Variants in DPP6 observed in about 807,000 individuals in gnomAD.
The protein encoded by DPP6 is A-type potassium channel modulatory protein DPP6.
DPP6 carries 69 observed loss-of-function variants against 122.6 expected under a neutral mutation model. The ratio of observed to expected loss-of-function variants is 0.56; its 90% CI spans 0.46 to 0.69. The LOEUF (loss-of-function observed/expected upper bound fraction) is 0.69. Among genes scored for constraint, DPP6 ranks in the 30% least tolerant of loss-of-function variants. DPP6 has a pLI of 0.00. For synonymous variants in DPP6, 418 were observed against 433.1 expected (o/e 0.97, Z 0.43); for missense variants, 928 against 1,116.9 (o/e 0.83, Z 2.41).
intron 16 of DPP6, among the ~76,000 whole-genome samples, chr7:154,812,754 T>C (rs1799153077): frequency 6.6e-6 from 1 of 152,186 alleles, no homozygotes; most frequent in Non-Finnish European, 1.5e-5. Context: ...TTGTAGCTCA[T>C]CAGTTGTTTG....
intron 17 of DPP6, among the ~76,000 whole-genome samples, chr7:154,861,058 T>C (rs1216050572): frequency 1.3e-5 from 2 of 152,210 alleles, no homozygotes; most frequent in Non-Finnish European, 2.9e-5. Flanking sequence ...GGTCTTAACA[T>C]GGCTGCATCA....
rs1370258765 is a variant in DPP6 at position 154,180,430 on chromosome 7, AAT to A, written c.243+127375_243+127376del. Among the ~76,000 whole-genome samples the A allele has an allele frequency of 4.5e-4, 65 of 143,562 alleles. No individual in the cohort carries two copies. In the East Asian group the frequency reaches 0.012, roughly 27 times the overall value. The allele number at this position is 143,562 out of a possible 152,430, so 94.2% of individuals were successfully genotyped here. ...ATATATATATCTATATATAATATAT[AAT>A]ATATATACACATTTATATATTATAT... On this transcript the variant is annotated intron_variant, in intron 1 of 25. Coordinates refer to ENST00000377770, the MANE Select transcript of DPP6 (RefSeq NM_130797.4).
At chr7:153,753,911 G>A in the DPP6 span, among the ~76,000 whole-genome samples, 4 of 152,132 alleles carry the variant, frequency 2.6e-5, no homozygotes, top group African/African-American at 7.2e-5. Context: ...GAGGAACATC[G>A]TATTCTACCA....
rs1032930739 is a variant in DPP6, at chr7:154,596,572, A to G, written c.627+29656A>G. Among the ~76,000 whole-genome samples the G allele has an allele frequency of 2.0e-5, 3 of 152,364 alleles. No homozygotes were observed. In the East Asian group the frequency reaches 5.8e-4, roughly 29 times the overall value. ...TTTGTGGCAGAAACTTCCAAAAAAA[A>G]AAGTTGACATGGAGCAGGTCCTCAA... is the stretch of plus-strand genomic sequence containing the variant. On this transcript the variant is annotated intron_variant, in intron 5 of 25. Coordinates refer to ENST00000377770, the MANE Select transcript of DPP6 (RefSeq NM_130797.4).
At chr7:153,801,720 G>A in the DPP6 span, among the ~76,000 whole-genome samples, 1 of 152,124 alleles carries the variant, frequency 6.6e-6, no homozygotes, top group South Asian at 2.1e-4. Context: ...AACTTTTTTG[G>A]AGGACGTGGA....
chr7:154,524,585 T>G (rs2130018010), intron 3 of DPP6, among the ~76,000 whole-genome samples: 1 of 152,290 alleles, frequency 6.6e-6, no homozygotes, highest in East Asian at 1.9e-4. Flanking sequence ...TCTTCATGCC[T>G]TTGATCCTTC....
chr7:154,652,976 CT>C (rs1042994415), intron 6 of DPP6, among the ~76,000 whole-genome samples: 14 of 152,308 alleles, frequency 9.2e-5, no homozygotes, highest in African/African-American at 3.4e-4. Flanking sequence ...TCCATTCATT[CT>C]TTAAGGAACT....
intron 1 of DPP6, among the ~76,000 whole-genome samples, chr7:154,311,444 C>T (rs1412131738): frequency 6.6e-6 from 1 of 151,696 alleles, no homozygotes; most frequent in Non-Finnish European, 1.5e-5. Context: ...TTGCAGTGAG[C>T]CGTGATCACA....
intron 1 of DPP6, among the ~76,000 whole-genome samples, chr7:153,989,903 T>TCCTG (rs1355709451): frequency 3.3e-5 from 5 of 151,144 alleles, no homozygotes; most frequent in African/African-American, 1.2e-4. Flanking sequence ...GACCTGACAG[T>TCCTG]CCTGCCACCT....
intron 3 of DPP6, among the ~76,000 whole-genome samples, chr7:154,536,234 G>A (rs1279542787): frequency 6.6e-6 from 1 of 152,098 alleles, no homozygotes; most frequent in African/African-American, 2.4e-5. Flanking sequence ...AGAAATTCTA[G>A]GAGAGGCAAA....
chr7:154,781,738 A>G (rs1797043666), intron 10 of DPP6, among the ~76,000 whole-genome samples: 1 of 152,116 alleles, frequency 6.6e-6, no homozygotes, highest in Non-Finnish European at 1.5e-5. Context: ...TGCTCAATCC[A>G]TGGGATAAAC....
chr7:154,442,591 G>A (rs1030156659), intron 1 of DPP6, among the ~76,000 whole-genome samples: 5 of 152,152 alleles, frequency 3.3e-5, no homozygotes, highest in Non-Finnish European at 5.9e-5. Flanking sequence ...GGGTATGAGC[G>A]GAGTAGGGTA....
intron 8 of DPP6, among the ~76,000 whole-genome samples, chr7:154,758,440 C>T (rs1192971772): frequency 1.3e-5 from 2 of 150,316 alleles, no homozygotes; most frequent in Admixed American, 6.6e-5. Context: ...GGCTCAATCT[C>T]GACTCACTGA....
chr7:154,200,127 T>C (rs761007793), intron 1 of DPP6, among the ~76,000 whole-genome samples: 7 of 152,146 alleles, frequency 4.6e-5, no homozygotes, highest in African/African-American at 9.7e-5. Flanking sequence ...TCACATACCA[T>C]AGATTCTTAT....
chr7:154,335,273 A>T (rs144813732), intron 1 of DPP6, among the ~76,000 whole-genome samples: 1 of 152,376 alleles, frequency 6.6e-6, no homozygotes, highest in East Asian at 1.9e-4. Context: ...TGCTTCTCAC[A>T]TCTCTTACAC....
intron 1 of DPP6, among the ~76,000 whole-genome samples, chr7:154,216,235 AAGCCTCTTGGGATTCATCCC>A (rs1799986658): frequency 1.3e-5 from 2 of 151,334 alleles, no homozygotes; most frequent in Admixed American, 1.3e-4. Context: ...GGGACAGGGC[AAGCCTCTTGGGATTCATCCC>A]CGGCGGACAT....
chr7:154,149,735 AG>A (rs1228550503), intron 1 of DPP6, among the ~76,000 whole-genome samples: 7 of 152,244 alleles, frequency 4.6e-5, no homozygotes, highest in African/African-American at 1.7e-4. Flanking sequence ...CAAATGTTAT[AG>A]GGGAAGTTCT....
intron 1 of DPP6, among the ~76,000 whole-genome samples, chr7:154,316,593 A>G (rs531197774): frequency 6.6e-6 from 1 of 152,274 alleles, no homozygotes; most frequent in African/African-American, 2.4e-5. Context: ...CAGGTTGGAG[A>G]AGTGCTTTGA....
chr7:154,631,830 G>A (rs1320246488), intron 5 of DPP6, among the ~76,000 whole-genome samples: 1 of 152,224 alleles, frequency 6.6e-6, no homozygotes, highest in Non-Finnish European at 1.5e-5. Context: ...GTAAGGCACA[G>A]TGGAGAAGTT....
Sources: gnomAD v4.1 joint callset for allele counts (sites outside exome capture counted in the v4.1 genomes callset) on GRCh38, gnomAD v4.1.1 for gene constraint, MANE v1.5 for transcripts, NCBI Gene and HGNC (gene_info 2026-07-23, HGNC 2026-07-21) for gene names.